GPC5: variants seen among roughly 807,000 people sequenced by gnomAD.
The protein encoded by GPC5 is glypican 5, also known as glypican-5.
Under a neutral mutation model 53.9 loss-of-function variants are expected in GPC5, and 47 were observed. The observed-to-expected ratio is 0.87, with a 90% confidence interval of 0.69 to 1.11. The LOEUF (loss-of-function observed/expected upper bound fraction) is 1.11. Among genes scored for constraint, GPC5 ranks in the 50% most tolerant of loss-of-function variants. GPC5 has a pLI of 0.00. For missense variants in GPC5, 748 were observed against 713.1 expected, an observed-to-expected ratio of 1.05 and a Z score of -0.56; for synonymous variants, 286 against 263.3, an observed-to-expected ratio of 1.09 and a Z score of -0.84.
intron 7 of GPC5, among the ~76,000 whole-genome samples, chr13:92,215,826 G>A (rs2042405770): frequency 6.6e-6 from 1 of 152,172 alleles, no homozygotes; most frequent in African/African-American, 2.4e-5. Flanking sequence ...TTAACGGTGT[G>A]TGATGGTGCT....
intron 7 of GPC5, among the ~76,000 whole-genome samples, chr13:92,411,750 A>G (rs113105070): frequency 1.3e-5 from 2 of 152,216 alleles, no homozygotes; most frequent in Admixed American, 1.3e-4. Context: ...ATACTCAACT[A>G]ATTTATATGT....
At chr13:91,613,074 G>C (rs1246858942) in intron 2 of GPC5, among the ~76,000 whole-genome samples, 1 of 152,142 alleles carries the variant, frequency 6.6e-6, no homozygotes, top group East Asian at 1.9e-4. Context: ...TGTATAAAAT[G>C]GGAATAATAG....
chr13:91,688,756 G>A (rs2035677067), intron 2 of GPC5, among the ~76,000 whole-genome samples: 1 of 152,012 alleles, frequency 6.6e-6, no homozygotes, highest in Admixed American at 6.6e-5. Context: ...TATGGTATAG[G>A]TTCATCGCTC....
chr13:92,803,724 C>T (rs1443419978), intron 7 of GPC5, among the ~76,000 whole-genome samples: 5 of 151,706 alleles, frequency 3.3e-5, no homozygotes, highest in African/African-American at 7.3e-5. Context: ...AAAAGAGTGC[C>T]GATTCTCTAA....
chr13:91,979,928 C>T (rs2040342288), intron 6 of GPC5, among the ~76,000 whole-genome samples: 1 of 152,204 alleles, frequency 6.6e-6, no homozygotes, highest in Admixed American at 6.5e-5. Flanking sequence ...AGTCACTTAA[C>T]ACAACACTTT....
intron 6 of GPC5, among the ~76,000 whole-genome samples, chr13:92,103,391 A>G (rs2041481997): frequency 1.3e-5 from 2 of 152,160 alleles, no homozygotes; most frequent in African/African-American, 4.8e-5. Flanking sequence ...TTTCTTATAT[A>G]ACTCCATAGA....
chr13:92,055,706 T>G (rs2041069023), intron 6 of GPC5, among the ~76,000 whole-genome samples: 1 of 152,242 alleles, frequency 6.6e-6, no homozygotes, highest in Non-Finnish European at 1.5e-5. Flanking sequence ...ACACCTTGCA[T>G]GTCTTTTGCA....
intron 5 of GPC5, among the ~76,000 whole-genome samples, chr13:91,757,966 T>G (rs750703523): frequency 8.5e-5 from 13 of 152,150 alleles, no homozygotes; most frequent in Non-Finnish European, 1.9e-4. Flanking sequence ...TCATTATAGT[T>G]AAAAGCTACA....
In GPC5 at chr13:92,089,987, A is replaced by G. The variant is rs79490157; in HGVS notation, c.1402-54843A>G. Among the ~76,000 whole-genome samples, 399 of 152,310 alleles carry G rather than the reference A, an allele frequency of 2.6e-3. 1 individual carries two copies. Among genetic ancestry groups the G allele is most frequent in the African/African-American group, 9.2e-3 (384 of 41,562 alleles). On this transcript the variant is annotated intron_variant, in intron 6 of 7. Transcript: ENST00000377067. ...CAATTAATTCATTCAATAAACAGTC[A>G]TTGAGTTCGTATCATGTCCCAGGCA...
At chr13:91,684,043 T>A (rs547709516) in intron 2 of GPC5, among the ~76,000 whole-genome samples, 60 of 152,350 alleles carry the variant, frequency 3.9e-4, no homozygotes, top group African/African-American at 1.4e-3. Context: ...AGTTGCCCTT[T>A]TAATAGCATT....
intron 6 of GPC5, among the ~76,000 whole-genome samples, chr13:92,023,490 T>C (rs1160851734): frequency 1.3e-5 from 2 of 152,060 alleles, no homozygotes; most frequent in African/African-American, 4.8e-5. Context: ...GAACATTTTA[T>C]ACCAGAAATG....
intron 6 of GPC5, among the ~76,000 whole-genome samples, chr13:92,085,297 A>C (rs2138887011): frequency 6.6e-6 from 1 of 152,356 alleles, no homozygotes; most frequent in Admixed American, 6.5e-5. Context: ...AATATATTCA[A>C]GAACATTATA....
intron 2 of GPC5, among the ~76,000 whole-genome samples, chr13:91,511,645 T>C (rs1372222860): frequency 6.6e-6 from 1 of 152,202 alleles, no homozygotes; most frequent in East Asian, 1.9e-4. Flanking sequence ...CACTCTGATA[T>C]CAAGACTATT....
At chr13:91,964,303 C>G (rs551555273) in intron 6 of GPC5, among the ~76,000 whole-genome samples, 1 of 152,206 alleles carries the variant, frequency 6.6e-6, no homozygotes, top group African/African-American at 2.4e-5. Context: ...CAGCAGGTTG[C>G]TGGTGTGGGC....
chr13:92,146,789 C>G (rs2041870468), intron 7 of GPC5, among the ~76,000 whole-genome samples: 1 of 152,102 alleles, frequency 6.6e-6, no homozygotes, highest in Non-Finnish European at 1.5e-5. Flanking sequence ...AGTTACTTCA[C>G]TTGGAATAAC....
chr13:91,818,274 A>G (rs1275798435), intron 5 of GPC5, among the ~76,000 whole-genome samples: 3 of 152,220 alleles, frequency 2.0e-5, no homozygotes, highest in Non-Finnish European at 4.4e-5. Flanking sequence ...GGCAGCTTGT[A>G]TATCACAACT....
intron 6 of GPC5, among the ~76,000 whole-genome samples, chr13:91,968,665 T>G (rs1460572986): frequency 2.6e-5 from 4 of 152,092 alleles, no homozygotes; most frequent in African/African-American, 9.7e-5. Flanking sequence ...TTTCACCATG[T>G]TAGCCAGGCT....
chr13:92,077,568 A>G (rs2138875155), intron 6 of GPC5, among the ~76,000 whole-genome samples: 1 of 152,328 alleles, frequency 6.6e-6, no homozygotes, highest in East Asian at 1.9e-4. Flanking sequence ...CCTGAATGGC[A>G]GATGAAGGTA....
intron 7 of GPC5, among the ~76,000 whole-genome samples, chr13:92,445,697 T>G (rs1383307205): frequency 6.6e-6 from 1 of 151,940 alleles, no homozygotes; most frequent in Admixed American, 6.6e-5. Flanking sequence ...TGCCACATTT[T>G]CTTAATCCAG....
Sources: gnomAD v4.1 joint callset for allele counts (sites outside exome capture counted in the v4.1 genomes callset) on GRCh38, gnomAD v4.1.1 for gene constraint, MANE v1.5 for transcripts, NCBI Gene and HGNC (gene_info 2026-07-23, HGNC 2026-07-21) for gene names.